Variants in DPP6 observed in about 807,000 individuals in gnomAD.
The protein encoded by DPP6 is dipeptidyl peptidase like 6.
A neutral mutation model predicts 122.6 loss-of-function variants in DPP6; 69 were observed. The observed-to-expected ratio is 0.56, with a 90% confidence interval of 0.46 to 0.69. The LOEUF (loss-of-function observed/expected upper bound fraction) is 0.69. Ranked by LOEUF, DPP6 falls within the 30% of genes least tolerant of loss-of-function variation. DPP6 has a pLI of 0.00. For missense variants in DPP6, 928 were observed against 1,116.9 expected (o/e 0.83, Z 2.41); for synonymous variants, 418 against 433.1 (o/e 0.97, Z 0.43).
At chr7:154,540,016 C>G (rs1828590078) in intron 3 of DPP6, among the ~76,000 whole-genome samples, 1 of 152,054 alleles carries the variant, frequency 6.6e-6, no homozygotes. Flanking sequence ...TACAAGAGGC[C>G]AGACTCAGCA....
At chr7:153,992,164 A>C (rs1585144126) in intron 1 of DPP6, among the ~76,000 whole-genome samples, 1 of 151,832 alleles carries the variant, frequency 6.6e-6, no homozygotes, top group Non-Finnish European at 1.5e-5. Context: ...CCAGCACATA[A>C]ATTTTGGGGG....
chr7:154,156,855 C>A (rs1196072942), intron 1 of DPP6, among the ~76,000 whole-genome samples: 1 of 136,800 alleles, frequency 7.3e-6, no homozygotes, highest in Non-Finnish European at 1.5e-5. Flanking sequence ...CCAAAGGAGA[C>A]CAGAGTAATA....
chr7:154,073,868 C>G (rs1369585822), intron 1 of DPP6, among the ~76,000 whole-genome samples: 1 of 152,128 alleles, frequency 6.6e-6, no homozygotes, highest in Non-Finnish European at 1.5e-5. Context: ...TGCCTGTAAT[C>G]CCAGCTACTC....
intron 1 of DPP6, among the ~76,000 whole-genome samples, chr7:154,371,771 G>C (rs888446126): frequency 6.6e-6 from 1 of 152,120 alleles, no homozygotes; most frequent in African/African-American, 2.4e-5. Context: ...CGTGATTTCA[G>C]GGGTGACAGA....
chr7:154,066,428 CTGT>C (rs1802730046), intron 1 of DPP6, among the ~76,000 whole-genome samples: 1 of 152,196 alleles, frequency 6.6e-6, no homozygotes, highest in Non-Finnish European at 1.5e-5. Flanking sequence ...GAGCCCTCTG[CTGT>C]TGTGCCCTGG....
At chr7:154,515,324 G>A (rs1156285023) in intron 3 of DPP6, among the ~76,000 whole-genome samples, 1 of 152,180 alleles carries the variant, frequency 6.6e-6, no homozygotes, top group Non-Finnish European at 1.5e-5. Context: ...CCTTCCTCAT[G>A]GAATAATTGT....
intron 1 of DPP6, among the ~76,000 whole-genome samples, chr7:153,975,847 A>G (rs983916491): frequency 2.6e-5 from 4 of 152,252 alleles, no homozygotes; most frequent in Admixed American, 6.5e-5. Flanking sequence ...CCGTCACTCA[A>G]TGTGAGGTCG....
In DPP6 at chr7:154,494,015, G is replaced by C. The variant is rs138219894; in HGVS notation, c.457+18978G>C. ...ATCTTACTTAGATGGAAAGTGGAAA[G>C]CTCATGGAAACTAGAAATTTTTGTG... is the stretch of plus-strand genomic sequence containing the variant. On this transcript the variant is annotated intron_variant, in intron 3 of 25. Transcript: ENST00000377770. 2.0e-4 allele frequency among the ~76,000 whole-genome samples: 31 copies of C among 152,288 alleles called. No individual in the cohort carries two copies. In the East Asian group the frequency reaches 6.0e-3, roughly 29 times the overall value.
intron 1 of DPP6, among the ~76,000 whole-genome samples, chr7:153,973,050 G>C (rs12531885): frequency 0.61 from 88,381 of 144,854 alleles, 26,818 homozygotes; most frequent in Non-Finnish European, 0.72. Context: ...GTTTTGGTTT[G>C]AATTAGTTCA....
intron 3 of DPP6, among the ~76,000 whole-genome samples, chr7:154,510,881 C>G (rs999579083): frequency 3.3e-5 from 5 of 151,818 alleles, no homozygotes; most frequent in African/African-American, 1.2e-4. Context: ...CTTGCTCTCA[C>G]TCTCGTGCTC....
chr7:154,522,828 G>C (rs1827109635), intron 3 of DPP6, among the ~76,000 whole-genome samples: 1 of 152,192 alleles, frequency 6.6e-6, no homozygotes, highest in South Asian at 2.1e-4. Context: ...CAATTAGTGG[G>C]TGTTATGGGA....
chr7:154,143,147 T>C (rs1795926852), intron 1 of DPP6, among the ~76,000 whole-genome samples: 1 of 151,448 alleles, frequency 6.6e-6, no homozygotes, highest in Non-Finnish European at 1.5e-5. Flanking sequence ...GCTTCCTGTG[T>C]GTAGAGGTTG....
intron 16 of DPP6, chr7:154,838,783 C>T (rs1301643046): frequency 6.6e-6 from 1 of 152,204 alleles, no homozygotes; most frequent in Non-Finnish European, 1.5e-5. Flanking sequence ...AATGTGGAGC[C>T]AGTTCTCAGG....
At chr7:153,904,462 C>T (rs1369398430) in intron 1 of DPP6, among the ~76,000 whole-genome samples, 1 of 152,174 alleles carries the variant, frequency 6.6e-6, no homozygotes, top group Non-Finnish European at 1.5e-5. Flanking sequence ...GAGGGTAAAC[C>T]TGAATTCCTC....
the DPP6 span, among the ~76,000 whole-genome samples, chr7:153,786,141 A>G: frequency 6.6e-6 from 1 of 152,144 alleles, no homozygotes; most frequent in African/African-American, 2.4e-5. Flanking sequence ...ACCATGACTA[A>G]TAGGTTTTCA....
chr7:154,492,281 G>A (rs909775644), intron 3 of DPP6, among the ~76,000 whole-genome samples: 8 of 152,132 alleles, frequency 5.3e-5, no homozygotes, highest in South Asian at 4.1e-4. Flanking sequence ...GCATGCAGAC[G>A]CACACCACAT....
At position 154,295,285 on chromosome 7, in the gene DPP6, T is replaced by TA. The variant is rs201678475; in HGVS notation, c.244-150929_244-150928insA. ...CTGGAGGGTAACCTGAACACCGAATTTAGGGAGTGTGTTGTTCATACAAAT... is the reference window on the plus strand; with the variant it reads ...CTGGAGGGTAACCTGAACACCGAATTATAGGGAGTGTGTTGTTCATACAAAT... On this transcript the variant is annotated intron_variant, in intron 1 of 25. Coordinates refer to ENST00000377770, the MANE Select transcript of DPP6 (RefSeq NM_130797.4). Among the ~76,000 whole-genome samples the TA allele has an allele frequency of 1.6e-3, 242 of 152,258 alleles. 7 individuals are homozygous for TA. In the East Asian group the frequency reaches 0.037, roughly 23 times the overall value.
chr7:154,721,915 C>T (rs1469034727), intron 7 of DPP6, among the ~76,000 whole-genome samples: 1 of 150,800 alleles, frequency 6.6e-6, no homozygotes, highest in Admixed American at 6.6e-5. Context: ...CCTCTAATCC[C>T]AACACTTGTG....
chr7:154,692,054 C>T (rs2029365), intron 7 of DPP6, among the ~76,000 whole-genome samples: 137,389 of 152,100 alleles, frequency 0.9, 62,732 homozygotes, highest in South Asian at 1. Flanking sequence ...ATGAATAGGG[C>T]AAAAAGACCT....
Sources: gnomAD v4.1 joint callset for allele counts (sites outside exome capture counted in the v4.1 genomes callset) on GRCh38, gnomAD v4.1.1 for gene constraint, MANE v1.5 for transcripts, NCBI Gene and HGNC (gene_info 2026-07-23, HGNC 2026-07-21) for gene names.